AGAP1: variants seen among roughly 807,000 people sequenced by gnomAD.
The protein encoded by AGAP1 is ArfGAP with GTPase domain, ankyrin repeat and PH domain 1, also known as arf-GAP with GTPase, ANK repeat and PH domain-containing protein 1.
A neutral mutation model predicts 105.3 loss-of-function variants in AGAP1; 29 were observed. The observed-to-expected ratio is 0.28, with a 90% CI of 0.21 to 0.38. AGAP1 has a LOEUF of 0.38. Ranked by LOEUF, AGAP1 falls within the 10% of genes least tolerant of loss-of-function variation. The pLI is 1.00. For missense variants in AGAP1, 998 were observed against 1,165.1 expected, an observed-to-expected ratio of 0.86 and a Z score of 2.09; for synonymous variants, 509 against 485.9, an observed-to-expected ratio of 1.05 and a Z score of -0.63.
chr2:236,084,333 C>T (rs1460591343), intron 16 of AGAP1, among the ~76,000 whole-genome samples: 2 of 152,146 alleles, frequency 1.3e-5, no homozygotes, highest in East Asian at 3.9e-4. Context: ...TACATTCATT[C>T]ATTTCATGCT....
intron 16 of AGAP1, among the ~76,000 whole-genome samples, chr2:236,110,162 C>T (rs2059607191): frequency 6.6e-6 from 1 of 152,190 alleles, no homozygotes; most frequent in Admixed American, 6.5e-5. Flanking sequence ...GGACCTTCCT[C>T]ACTAGGTGTT....
In AGAP1 at chr2:236,105,897, C is replaced by T. The variant is rs1261598172; in HGVS notation, c.2115-14295C>T. 6.6e-6 allele frequency among the ~76,000 whole-genome samples: 1 copy of T among 152,144 alleles called. No homozygotes were observed. Among genetic ancestry groups the T allele is most frequent in the Non-Finnish European group, 1.5e-5 (1 of 68,028 alleles). ...CAGGCGTGAGCCATCGTGCCCGGCC[C>T]CTCTTGTGCCTCTTCTTATAAGAGT... On this transcript the variant is annotated intron_variant, in intron 16 of 17. Transcript: ENST00000304032. The surrounding 1 kb of genome is among the most constrained non-coding windows in gnomAD (Gnocchi z 4.2).
rs1373870668 is a variant in AGAP1 at position 235,665,804 on chromosome 2, A to T, written c.164-43375A>T. Among the ~76,000 whole-genome samples the T allele has an allele frequency of 6.6e-6, 1 of 152,102 alleles. No individual in the cohort carries two copies. Among genetic ancestry groups the T allele is most frequent in the Non-Finnish European group, 1.5e-5 (1 of 68,024 alleles). The stretch of plus-strand genomic sequence containing the variant: ...CATCAGCAGACGCGGTTCTGCTAAG[A>T]TACTGCAAACGTGATTACTGGCTGT... On this transcript the variant is annotated intron_variant, in intron 1 of 17. Transcript: ENST00000304032. The surrounding 1 kb of genome is among the most constrained non-coding windows in gnomAD (Gnocchi z 5.3).
At chr2:235,802,193 G>T (rs1957526590) in intron 8 of AGAP1, among the ~76,000 whole-genome samples, 1 of 152,168 alleles carries the variant, frequency 6.6e-6, no homozygotes, top group Non-Finnish European at 1.5e-5. Flanking sequence ...TGAAGGAGAA[G>T]GGGCTCTGCA....
chr2:235,517,474 AT>A lies in AGAP1; in HGVS notation c.163+22629del, dbSNP rs1265670296. On this transcript the variant is annotated intron_variant, in intron 1 of 17. Transcript: ENST00000304032. This position sits in a 1 kb window ranked among gnomAD's most constrained non-coding sequence, Gnocchi z 4.1. Reference sequence around the variant, plus strand: ...GTGCCCAACGTAGATCTTTATGGTAATTTTATTTTAATTGAGGTCGCAGGGA... The same window carrying A: ...GTGCCCAACGTAGATCTTTATGGTAATTTATTTTAATTGAGGTCGCAGGGA... Among the ~76,000 whole-genome samples, 1 of 152,170 alleles carries A rather than the reference AT, an allele frequency of 6.6e-6. No homozygotes were observed. Among genetic ancestry groups the A allele is most frequent in the African/African-American group, 2.4e-5 (1 of 41,444 alleles).
chr2:235,799,875 A>G lies in AGAP1; in HGVS notation c.957+353A>G, dbSNP rs367756201. 7.8e-4 allele frequency among the ~76,000 whole-genome samples: 118 copies of G among 152,168 alleles called. 1 individual carries two copies. The highest frequency in any genetic ancestry group is 2.7e-3 in the African/African-American group (111 of 41,506). On this transcript the variant is annotated intron_variant, in intron 8 of 17. Coordinates refer to ENST00000304032, the MANE Select transcript of AGAP1 (RefSeq NM_001037131.3). This position sits in a 1 kb window ranked among gnomAD's most constrained non-coding sequence, Gnocchi z 5.0. ...CAGATGTGTGTCTCTAACCGTTCAGATGATATATAAGCTATTACTGTCCAC... is the reference window on the plus strand; with the variant it reads ...CAGATGTGTGTCTCTAACCGTTCAGGTGATATATAAGCTATTACTGTCCAC...
intron 6 of AGAP1, among the ~76,000 whole-genome samples, chr2:235,782,256 A>ATT (rs35429287): frequency 6.7e-6 from 1 of 148,438 alleles, no homozygotes; most frequent in African/African-American, 2.5e-5. Flanking sequence ...ACTCCTGCCC[A>ATT]TTTTTTTTTT....
intron 6 of AGAP1, among the ~76,000 whole-genome samples, chr2:235,781,313 C>G (rs192271814): frequency 1.3e-5 from 2 of 152,092 alleles, no homozygotes; most frequent in African/African-American, 4.8e-5. Flanking sequence ...TCCAGGGGTT[C>G]GACATTCATA....
At position 235,934,506 on chromosome 2, in the gene AGAP1, A is replaced by C. The variant is rs1249246595; in HGVS notation, c.1483+3583A>C. Among the ~76,000 whole-genome samples, 1 of 152,180 alleles carries C rather than the reference A, an allele frequency of 6.6e-6. No individual in the cohort carries two copies. Among genetic ancestry groups the C allele is most frequent in the African/African-American group, 2.4e-5 (1 of 41,448 alleles). ...TGTTTAGTGAACACCAGGGCACAGGATCTGATGGACAACTTCCAGAAAACG... is the reference window on the plus strand; with the variant it reads ...TGTTTAGTGAACACCAGGGCACAGGCTCTGATGGACAACTTCCAGAAAACG... On this transcript the variant is annotated intron_variant, in intron 12 of 17. Transcript: ENST00000304032. The surrounding 1 kb of genome is among the most constrained non-coding windows in gnomAD (Gnocchi z 4.9).
At position 235,962,535 on chromosome 2, in the gene AGAP1, T is replaced by G. The variant is rs1575900758; in HGVS notation, c.1484-5927T>G. ...GCCTAGTGAGCTGGGGAGGCAGGGG[T>G]GGGGGTGGCAGTTAGACCCTAGAAA... On this transcript the variant is annotated intron_variant, in intron 12 of 17. Coordinates refer to ENST00000304032, the MANE Select transcript of AGAP1 (RefSeq NM_001037131.3). The surrounding 1 kb of genome is among the most constrained non-coding windows in gnomAD (Gnocchi z 5.3). Among the ~76,000 whole-genome samples the G allele has an allele frequency of 6.7e-6, 1 of 149,736 alleles. No individual in the cohort carries two copies. The highest frequency in any genetic ancestry group is 2.5e-5 in the African/African-American group (1 of 40,538).
At chr2:236,093,405 C>G (rs1206121010) in intron 16 of AGAP1, among the ~76,000 whole-genome samples, 1 of 152,246 alleles carries the variant, frequency 6.6e-6, no homozygotes, top group East Asian at 1.9e-4. Flanking sequence ...AGTGGAACAA[C>G]TCACAGTCTG....
chr2:235,884,456 T>TTTTTTTTGTTTG (rs1343043999), intron 10 of AGAP1, among the ~76,000 whole-genome samples: 15 of 148,380 alleles, frequency 1.0e-4, no homozygotes, highest in Middle Eastern at 3.5e-3. Context: ...TTCACTGTTT[T>TTTTTTTTGTTTG]TTTTTTTTTT....
In AGAP1 at chr2:235,725,109, G is replaced by C; in HGVS notation, c.310+7465G>C. Among the ~76,000 whole-genome samples the C allele has an allele frequency of 6.6e-6, 1 of 152,202 alleles. No individual in the cohort carries two copies. The highest frequency in any genetic ancestry group is 2.1e-4 in the South Asian group (1 of 4,814). ...GTTGCTTGTTCCAAGCTGCTGACGC[G>C]GTGTGCTGGATGAGAGTTCTACTGG... On this transcript the variant is annotated intron_variant, in intron 3 of 17. Transcript: ENST00000304032. The surrounding 1 kb of genome is among the most constrained non-coding windows in gnomAD (Gnocchi z 5.7).
chr2:235,521,550 G>T (rs538830021), intron 1 of AGAP1, among the ~76,000 whole-genome samples: 1 of 152,092 alleles, frequency 6.6e-6, no homozygotes, highest in Admixed American at 6.5e-5. Context: ...ATAACCTCCT[G>T]CTTGGATACA....
rs371076034 is a variant in AGAP1, at chr2:235,803,266, C to T, written c.957+3744C>T. On this transcript the variant is annotated intron_variant, in intron 8 of 17. Transcript: ENST00000304032. The stretch of plus-strand genomic sequence containing the variant: ...GTTGAAGTTCCTGGAAATAGTAACT[C>T]CACTAGATGTCAGTGTCATCCAAGG... Among the ~76,000 whole-genome samples, 8 of 152,138 alleles carry T rather than the reference C, an allele frequency of 5.3e-5. No individual in the cohort carries two copies. The East Asian group carries it at 1.4e-3, about 26-fold the overall frequency.
intron 1 of AGAP1, among the ~76,000 whole-genome samples, chr2:235,584,902 CTT>C (rs10629736): frequency 5.0e-4 from 49 of 98,514 alleles, no homozygotes; most frequent in Admixed American, 2.3e-3. Flanking sequence ...AAGTCATTAC[CTT>C]TTTTTTTTTT....
At position 235,623,917 on chromosome 2, in the gene AGAP1, T is replaced by C. The variant is rs1946561197; in HGVS notation, c.164-85262T>C. Among the ~76,000 whole-genome samples the C allele has an allele frequency of 6.6e-6, 1 of 152,208 alleles. No homozygotes were observed. The highest frequency in any genetic ancestry group is 6.5e-5 in the Admixed American group (1 of 15,282). ...CAAGATGATTCCAATTTGAGCTGTC[T>C]CCTGGAGAAGTTGGATCCATTTGTG... On this transcript the variant is annotated intron_variant, in intron 1 of 17. Transcript: ENST00000304032. The surrounding 1 kb of genome is among the most constrained non-coding windows in gnomAD (Gnocchi z 4.5).
intron 9 of AGAP1, among the ~76,000 whole-genome samples, chr2:235,841,316 A>G (rs186671875): frequency 4.2e-4 from 64 of 152,304 alleles, no homozygotes; most frequent in African/African-American, 1.5e-3. Flanking sequence ...ACCCTAGAGT[A>G]GACGTACATT....
intron 9 of AGAP1, among the ~76,000 whole-genome samples, chr2:235,850,510 C>T (rs2048393973): frequency 6.6e-6 from 1 of 152,178 alleles, no homozygotes. Context: ...AGTGTCCATG[C>T]ACCTTGGTGG....
Sources: gnomAD v4.1 joint callset for allele counts (sites outside exome capture counted in the v4.1 genomes callset) on GRCh38, gnomAD v4.1.1 for gene constraint, Gnocchi (gnomAD v3.1) non-coding constraint, MANE v1.5 for transcripts, NCBI Gene and HGNC (gene_info 2026-07-23, HGNC 2026-07-21) for gene names.